The following GNG7 variants were observed in gnomAD, a reference collection of about 807,000 sequenced individuals.
GNG7 encodes the protein guanine nucleotide-binding protein G(I)/G(S)/G(O) subunit gamma-7.
Under a neutral mutation model 4.0 loss-of-function variants are expected in GNG7, and 1 was observed. The ratio of observed to expected loss-of-function variants is 0.25; its 90% confidence interval spans 0.09 to 1.18. The LOEUF is 1.18. Ranked by LOEUF, GNG7 falls within the 50% of genes most tolerant of loss-of-function variation. The pLI is 0.50. For missense variants in GNG7, 86 were observed against 91.9 expected (o/e 0.94, Z 0.26); for synonymous variants, 34 against 36.9 (o/e 0.92, Z 0.29).
At chr19:2,589,016 C>T (rs1399102025) in intron 2 of GNG7, among the ~76,000 whole-genome samples, 1 of 152,146 alleles carries the variant, frequency 6.6e-6, no homozygotes, top group Non-Finnish European at 1.5e-5. Flanking sequence ...ACAACCTCCC[C>T]CTTCCAGGTT....
intron 2 of GNG7, among the ~76,000 whole-genome samples, chr19:2,605,726 A>T (rs532012649): frequency 1.3e-5 from 2 of 149,588 alleles, no homozygotes; most frequent in East Asian, 2.0e-4. Context: ...GTTGGCCAGC[A>T]TGGTCTCGAT....
At chr19:2,583,367 C>G (rs190463853) in intron 2 of GNG7, among the ~76,000 whole-genome samples, 2 of 152,178 alleles carry the variant, frequency 1.3e-5, no homozygotes, top group South Asian at 2.1e-4. Flanking sequence ...CCTCTCACCC[C>G]CTTTGTAGAC....
At chr19:2,579,368 A>C (rs1251244630) in intron 2 of GNG7, among the ~76,000 whole-genome samples, 1 of 152,160 alleles carries the variant, frequency 6.6e-6, no homozygotes, top group Admixed American at 6.5e-5. Flanking sequence ...GAGGGCAGGC[A>C]CCTGGCACCC....
chr19:2,688,145 C>G (rs1158351943), intron 1 of GNG7, among the ~76,000 whole-genome samples: 1 of 151,608 alleles, frequency 6.6e-6, no homozygotes, highest in African/African-American at 2.4e-5. Context: ...CCCAGTTACT[C>G]GGGAGGCTGA....
intron 2 of GNG7, among the ~76,000 whole-genome samples, chr19:2,628,150 C>T (rs1035842677): frequency 1.3e-5 from 2 of 152,192 alleles, no homozygotes; most frequent in African/African-American, 2.4e-5. Context: ...GTAACAACAG[C>T]GGCAACAAAG....
At chr19:2,612,767 C>T (rs957945310) in intron 2 of GNG7, among the ~76,000 whole-genome samples, 3 of 141,640 alleles carry the variant, frequency 2.1e-5, no homozygotes, top group Admixed American at 1.5e-4. Context: ...GATCTCGGCT[C>T]GCTGCAACTT....
chr19:2,582,536 G>A (rs1980531852), intron 2 of GNG7, among the ~76,000 whole-genome samples: 1 of 151,730 alleles, frequency 6.6e-6, no homozygotes, highest in Non-Finnish European at 1.5e-5. Flanking sequence ...AGGCTGGAGT[G>A]TAGTGGTACA....
At chr19:2,702,028 C>T (rs946952347) in intron 1 of GNG7, among the ~76,000 whole-genome samples, 3 of 150,890 alleles carry the variant, frequency 2.0e-5, no homozygotes, top group Non-Finnish European at 4.4e-5. Flanking sequence ...ACCACCAGCC[C>T]CTTCCTAGCT....
intron 1 of GNG7, among the ~76,000 whole-genome samples, chr19:2,681,814 C>G (rs1983743435): frequency 6.6e-6 from 1 of 152,156 alleles, no homozygotes; most frequent in South Asian, 2.1e-4. Context: ...TTCTAGCCAT[C>G]CTACTGGGTG....
chr19:2,524,408 CATGTCAGTGTGCACATGTGT>C (rs1978330940), intron 3 of GNG7, among the ~76,000 whole-genome samples: 1 of 152,196 alleles, frequency 6.6e-6, no homozygotes, highest in East Asian at 1.9e-4. Context: ...ACGTGGTGTG[CATGTCAGTGTGCACATGTGT>C]ATGTGTGTGC....
intron 3 of GNG7, among the ~76,000 whole-genome samples, chr19:2,547,737 G>C (rs908029369): frequency 1.3e-5 from 2 of 152,182 alleles, no homozygotes; most frequent in African/African-American, 4.8e-5. Context: ...ATGGTGCAGG[G>C]AGTTCACAAA....
chr19:2,597,259 T>A (rs532928884), intron 2 of GNG7, among the ~76,000 whole-genome samples: 2 of 151,890 alleles, frequency 1.3e-5, no homozygotes, highest in Non-Finnish European at 2.9e-5. Flanking sequence ...AGAAAGAAGA[T>A]CCTGTCTCTA....
intron 2 of GNG7, among the ~76,000 whole-genome samples, chr19:2,612,684 G>T (rs1322570935): frequency 7.0e-6 from 1 of 142,256 alleles, no homozygotes; most frequent in Non-Finnish European, 1.5e-5. Context: ...ATACAGCTTA[G>T]AATTTTTTTT....
Position 2,686,985 on chromosome 19 carries a change from C to T in GNG7, c.-135+15661G>A, listed in dbSNP as rs185074767. Among the ~76,000 whole-genome samples the T allele has an allele frequency of 2.7e-3, 404 of 151,744 alleles. 5 individuals carry two copies. Among genetic ancestry groups the T allele is most frequent in the Middle Eastern group, 6.8e-3 (2 of 292 alleles). On this transcript the variant is annotated intron_variant, in intron 1 of 4. Transcript: ENST00000382159. ...GCCAGGATGGTCTCGATCTCCTGAC[C>T]TCGTGATCCGCCCGCCTCGGCCTCC...
intron 2 of GNG7, among the ~76,000 whole-genome samples, chr19:2,594,435 G>GAAGA (rs143297986): frequency 1.6e-5 from 2 of 127,542 alleles, no homozygotes; most frequent in Non-Finnish European, 1.7e-5. Context: ...AGGAAGGAAG[G>GAAGA]AAGGAAGGAA....
At chr19:2,518,048 C>G (rs558105006) in intron 4 of GNG7, among the ~76,000 whole-genome samples, 1 of 152,202 alleles carries the variant, frequency 6.6e-6, no homozygotes, top group African/African-American at 2.4e-5. Context: ...ACAGAAATAG[C>G]CTCCAGACCC....
intron 3 of GNG7, chr19:2,538,459 G>GTA: frequency 7.9e-6 from 1 of 126,934 alleles, no homozygotes; most frequent in Admixed American, 1.5e-4. Context: ...CCCCGTCTCT[G>GTA]CAAAAAAAAA....
chr19:2,586,869 C>T (rs1980689746), intron 2 of GNG7, among the ~76,000 whole-genome samples: 1 of 151,516 alleles, frequency 6.6e-6, no homozygotes. Context: ...CCTGTAGTCC[C>T]AGCTACTCGG....
chr19:2,661,302 G>GAAAGAAAGAAAGAGAAAGAA, intron 1 of GNG7, among the ~76,000 whole-genome samples: 1 of 73,120 alleles, frequency 1.4e-5, no homozygotes. Context: ...AAGAAAGAAA[G>GAAAGAAAGAAAGAGAAAGAA]AGAAAGAAAG....
Sources: gnomAD v4.1 joint callset for allele counts (sites outside exome capture counted in the v4.1 genomes callset) on GRCh38, gnomAD v4.1.1 for gene constraint, MANE v1.5 for transcripts, NCBI Gene and HGNC (gene_info 2026-07-23, HGNC 2026-07-21) for gene names.